Variants in CASK observed in about 807,000 individuals in gnomAD.
The protein encoded by CASK is peripheral plasma membrane protein CASK.
In CASK, 4 loss-of-function variants were observed where a neutral mutation model predicts 82.9. The ratio of observed to expected loss-of-function variants is 0.05; its 90% CI spans 0.02 to 0.11. The LOEUF (loss-of-function observed/expected upper bound fraction) is 0.11, where lower values mean the gene tolerates loss of function less well. CASK is among the 10% of genes least tolerant of loss of function. CASK has a pLI of 1.00. For missense variants in CASK, 358 were observed against 720.9 expected, an observed-to-expected ratio of 0.50 and a Z score of 5.76; for synonymous variants, 259 against 253.5, an observed-to-expected ratio of 1.02 and a Z score of -0.20.
At chrX:41,822,659 A>T (rs1217927521) in intron 2 of CASK, among the ~76,000 whole-genome samples, 2 of 110,217 alleles carry the variant, frequency 1.8e-5, no homozygotes, top group Non-Finnish European at 3.8e-5. Context: ...AATAAATGGC[A>T]GGATCATTAT....
chrX:41,873,783 T>C (rs2071753331), intron 1 of CASK, among the ~76,000 whole-genome samples: 1 of 107,048 alleles, frequency 9.3e-6, no homozygotes, highest in African/African-American at 3.4e-5. Context: ...TTTTTGTTGT[T>C]CCTTTTTTTT....
At chrX:41,857,503 A>G (rs1351773675) in intron 1 of CASK, among the ~76,000 whole-genome samples, 4 of 111,984 alleles carry the variant, frequency 3.6e-5, no homozygotes, top group African/African-American at 6.5e-5. Flanking sequence ...ACACTACACA[A>G]TAAGACTTCA....
At chrX:41,841,511 G>GTT (rs1193063113) in intron 2 of CASK, among the ~76,000 whole-genome samples, 20 of 80,183 alleles carry the variant, frequency 2.5e-4, no homozygotes, top group Admixed American at 4.2e-4. Flanking sequence ...TTTCCTTTTT[G>GTT]TTTTTTTTTT....
intron 1 of CASK, among the ~76,000 whole-genome samples, chrX:41,867,735 C>T (rs2071617805): frequency 8.9e-6 from 1 of 112,037 alleles, no homozygotes; most frequent in South Asian, 3.7e-4. Context: ...TTTGTAATAG[C>T]AGAGAACTGA....
At chrX:41,833,106 C>T (rs749472254) in intron 2 of CASK, among the ~76,000 whole-genome samples, 2 of 111,915 alleles carry the variant, frequency 1.8e-5, no homozygotes, top group South Asian at 7.4e-4. Context: ...CCTGTCTGTG[C>T]GTGACGCCAA....
chrX:41,784,043 T>C (rs985129119), intron 3 of CASK, among the ~76,000 whole-genome samples: 1 of 112,169 alleles, frequency 8.9e-6, no homozygotes, highest in African/African-American at 3.2e-5. Flanking sequence ...AGGAGACACA[T>C]GAACTAGGAT....
At chrX:41,700,526 T>C (rs2067771962) in intron 5 of CASK, among the ~76,000 whole-genome samples, 1 of 109,015 alleles carries the variant, frequency 9.2e-6, no homozygotes, top group Non-Finnish European at 1.9e-5. Flanking sequence ...TGAATACACA[T>C]GTCTAAGCAG....
chrX:41,622,753 C>A, intron 10 of CASK, 119 bp from the exon 11 acceptor site: 1 of 482,223 alleles, frequency 2.1e-6, no homozygotes, highest in South Asian at 5.6e-5. Context: ...CCCAGCTGAC[C>A]CCAAAGTGAG....
chrX:41,590,335 C>T (rs759889556), intron 12 of CASK, among the ~76,000 whole-genome samples: 1 of 108,408 alleles, frequency 9.2e-6, no homozygotes, highest in Non-Finnish European at 1.9e-5. Context: ...GGCAAAACCC[C>T]GTCTCTACTA....
At chrX:41,607,424 G>T (rs1259612580) in intron 12 of CASK, among the ~76,000 whole-genome samples, 1 of 112,392 alleles carries the variant, frequency 8.9e-6, no homozygotes, top group Non-Finnish European at 1.9e-5. Context: ...ACCTGGCAAT[G>T]ACCTAAGCAC....
rs774696192 is a variant in CASK, at chrX:41,813,999, T to C, written c.173-26716A>G. Among the ~76,000 whole-genome samples the C allele has an allele frequency of 8.3e-3, 931 of 112,260 alleles. 6 individuals are homozygous for C. The highest frequency in any genetic ancestry group is 0.014 in the Non-Finnish European group (762 of 53,168). On this transcript the variant is annotated intron_variant, in intron 2 of 26. Coordinates refer to ENST00000378163, the MANE Select transcript of CASK (RefSeq NM_001367721.1). ...CAAAAGACACATGAAAAAATGCTCA[T>C]CATCACTGGCCATCAGAGAAATGCA...
intron 14 of CASK, among the ~76,000 whole-genome samples, chrX:41,582,119 C>T (rs2065588508): frequency 9.0e-6 from 1 of 110,727 alleles, no homozygotes; most frequent in Non-Finnish European, 1.9e-5. Context: ...TTCTCCAAGC[C>T]TCTACAACCT....
intron 1 of CASK, among the ~76,000 whole-genome samples, chrX:41,865,578 G>T (rs780563756): frequency 3.6e-5 from 4 of 111,279 alleles, no homozygotes; most frequent in African/African-American, 6.5e-5. Context: ...CATTCATATT[G>T]TATCCTAGAT....
At chrX:41,695,682 C>T in intron 5 of CASK, 2 of 1,203,482 alleles carry the variant, frequency 1.7e-6, no homozygotes, top group Non-Finnish European at 2.3e-6. Flanking sequence ...CAGCAGCTGG[C>T]CTTACTCCTC....
At chrX:41,833,635 T>C (rs771047109) in intron 2 of CASK, among the ~76,000 whole-genome samples, 34 of 112,285 alleles carry the variant, frequency 3.0e-4, no homozygotes, top group Non-Finnish European at 5.1e-4. Context: ...TTATGGTGTG[T>C]GAATTATATC....
At chrX:41,702,738 G>A (rs1001407936) in intron 5 of CASK, among the ~76,000 whole-genome samples, 2 of 112,359 alleles carry the variant, frequency 1.8e-5, no homozygotes, top group African/African-American at 3.2e-5. Flanking sequence ...AGGTTGCAGT[G>A]AGCTGAGATT....
intron 16 of CASK, chrX:41,562,244 A>G (rs1466528655): frequency 1.8e-5 from 2 of 112,619 alleles, no homozygotes; most frequent in Non-Finnish European, 3.7e-5. Context: ...GTTAAAGATA[A>G]TTTAATCTTT....
intron 1 of CASK, among the ~76,000 whole-genome samples, chrX:41,909,786 T>C (rs751712566): frequency 4.5e-5 from 5 of 111,859 alleles, no homozygotes; most frequent in Admixed American, 1.9e-4. Context: ...ATGACATTTT[T>C]AGTAGAGACG....
intron 22 of CASK, among the ~76,000 whole-genome samples, chrX:41,536,571 C>G (rs2064877064): frequency 9.0e-6 from 1 of 111,187 alleles, no homozygotes; most frequent in Admixed American, 9.6e-5. Flanking sequence ...AGAACAGAAA[C>G]AAACAAACAA....
Sources: allele counts gnomAD v4.1 joint callset (sites outside exome capture counted in the v4.1 genomes callset), GRCh38; gene constraint gnomAD v4.1.1; transcripts MANE v1.5; gene names NCBI Gene and HGNC (gene_info 2026-07-23, HGNC 2026-07-21).